The following TTC6 variants were observed in gnomAD, a reference collection of about 807,000 sequenced individuals.
TTC6 encodes the protein tetratricopeptide repeat domain 6.
Under a neutral mutation model 210.4 loss-of-function variants are expected in TTC6, and 172 were observed. That is an observed-to-expected ratio of 0.82 (90% CI 0.72 to 0.93). TTC6 has a LOEUF of 0.93. Ranked by LOEUF, TTC6 falls within the 40% of genes least tolerant of loss-of-function variation. The pLI is 0.00. For missense variants in TTC6, 2,414 were observed against 2,318.1 expected (o/e 1.04, Z -0.85); for synonymous variants, 804 against 819.6 (o/e 0.98, Z 0.32).
At chr14:37,655,491 A>G (rs1026975055) in intron 1 of TTC6, among the ~76,000 whole-genome samples, 1 of 152,176 alleles carries the variant, frequency 6.6e-6, no homozygotes, top group East Asian at 1.9e-4. Context: ...AGCAGTCTTA[A>G]CCTTTTTCCC....
chr14:37,790,953 T>A, intron 16 of TTC6, 116 bp downstream of exon 18: 1 of 807,422 alleles, frequency 1.2e-6, no homozygotes, highest in Non-Finnish European at 1.9e-6. Flanking sequence ...ATGAGACACT[T>A]ATAAAGTCAT....
chr14:37,675,004 A>G (rs1348307146), intron 1 of TTC6, among the ~76,000 whole-genome samples: 1 of 152,080 alleles, frequency 6.6e-6, no homozygotes, highest in African/African-American at 2.4e-5. Flanking sequence ...GAGCAGGGAA[A>G]TGACATTTGT....
chr14:37,773,770 A>G (rs901871407), intron 14 of TTC6, among the ~76,000 whole-genome samples: 2 of 152,142 alleles, frequency 1.3e-5, no homozygotes, highest in Admixed American at 6.5e-5. Flanking sequence ...GAATTTTAAA[A>G]TGGCTTTTTC....
chr14:37,662,608 C>T (rs1419557860), intron 1 of TTC6, among the ~76,000 whole-genome samples: 4 of 152,042 alleles, frequency 2.6e-5, no homozygotes, highest in Non-Finnish European at 1.5e-5. Context: ...AGGGGTCCAG[C>T]TTCAGTCTTC....
At chr14:37,635,950 G>A (rs1421665802) in intron 1 of TTC6, among the ~76,000 whole-genome samples, 2 of 128,670 alleles carry the variant, frequency 1.6e-5, no homozygotes, top group Non-Finnish European at 3.1e-5. Flanking sequence ...TTGCACTCCA[G>A]CCCCTGGCAA....
rs771477867 is a variant in TTC6, at chr14:37,652,485, GTTA to G, written c.940-27660_940-27658del. Reference sequence around the variant, plus strand: ...AATAGATTTAATTTTTGTTGTTGCTGTTATTATTTTAGTGCTTTATTTTTGTTA... The same window carrying G: ...AATAGATTTAATTTTTGTTGTTGCTGTTATTTTAGTGCTTTATTTTTGTTA... On this transcript the variant is annotated intron_variant, in intron 1 of 30. Transcript: ENST00000553443. 4.6e-5 allele frequency among the ~76,000 whole-genome samples: 7 copies of G among 152,236 alleles called. No homozygotes were observed. The East Asian group carries it at 5.8e-4, about 13-fold the overall frequency.
At chr14:37,752,382 AGAAAT>A (rs1050333023) in intron 13 of TTC6, among the ~76,000 whole-genome samples, 1 of 152,094 alleles carries the variant, frequency 6.6e-6, no homozygotes, top group Non-Finnish European at 1.5e-5. Flanking sequence ...CTTCTGGTCT[AGAAAT>A]GACCAAAAAG....
At chr14:37,823,477 A>G in intron 26 of TTC6, among the ~76,000 whole-genome samples, 1 of 152,222 alleles carries the variant, frequency 6.6e-6, no homozygotes, top group Non-Finnish European at 1.5e-5. Flanking sequence ...ATAACTTGAG[A>G]AAGATCCAGA....
intron 7 of TTC6, among the ~76,000 whole-genome samples, chr14:37,727,912 G>A (rs546331810): frequency 2.6e-5 from 4 of 152,184 alleles, no homozygotes; most frequent in Admixed American, 1.3e-4. Flanking sequence ...TTTGGGTTGT[G>A]CTAGATATCC....
intron 14 of TTC6, among the ~76,000 whole-genome samples, chr14:37,778,113 C>T (rs913904865): frequency 1.3e-5 from 2 of 151,574 alleles, no homozygotes; most frequent in Non-Finnish European, 1.5e-5. Context: ...GCAGCAGTGG[C>T]GGTACAGTGG....
intron 27 of TTC6, among the ~76,000 whole-genome samples, chr14:37,825,764 TA>T (rs1201062803): frequency 6.6e-6 from 1 of 152,270 alleles, no homozygotes; most frequent in East Asian, 1.9e-4. Flanking sequence ...TATTATTCAA[TA>T]CATATTTATG....
chr14:37,714,923 A>T (rs2095850091), intron 6 of TTC6, 127 bp downstream of exon 8: 2 of 836,152 alleles, frequency 2.4e-6, no homozygotes, highest in Non-Finnish European at 3.5e-6. Flanking sequence ...CACGCCTGTA[A>T]TCCCAGAACT....
intron 16 of TTC6, 79 bp from the exon 19 acceptor site, chr14:37,792,185 T>C: frequency 8.8e-7 from 1 of 1,136,604 alleles, no homozygotes; most frequent in Non-Finnish European, 1.2e-6. Flanking sequence ...ATCTGTTTCA[T>C]TCAGTTTATT....
intron 29 of TTC6, among the ~76,000 whole-genome samples, chr14:37,836,669 G>C (rs1313109765): frequency 6.6e-6 from 1 of 152,108 alleles, no homozygotes; most frequent in Admixed American, 6.6e-5. Context: ...TCCCTCCAGA[G>C]ACTAGCAGGC....
intron 1 of TTC6, among the ~76,000 whole-genome samples, chr14:37,675,252 C>G (rs569377541): frequency 1.3e-5 from 2 of 152,176 alleles, no homozygotes; most frequent in East Asian, 3.9e-4. Flanking sequence ...CAGGCCCTGG[C>G]AACAACAAGT....
intron 14 of TTC6, among the ~76,000 whole-genome samples, chr14:37,771,270 C>A (rs1417559076): frequency 2.0e-5 from 3 of 152,148 alleles, no homozygotes; most frequent in East Asian, 3.9e-4. Flanking sequence ...GTGAATCTGA[C>A]AATTATGTGT....
At chr14:37,690,663 A>G (rs376928530) in intron 3 of TTC6, among the ~76,000 whole-genome samples, 2 of 152,170 alleles carry the variant, frequency 1.3e-5, no homozygotes, top group African/African-American at 4.8e-5. Flanking sequence ...AAACAGGTCA[A>G]TTCAGCAAGA....
Position 37,732,018 on chromosome 14 carries a change from G to C in TTC6, c.1819-3903G>C, listed in dbSNP as rs758340736. On this transcript the variant is annotated intron_variant, in intron 7 of 30. Coordinates refer to ENST00000553443, the Ensembl canonical transcript of TTC6. ...ATAATTGATCCTTGAACAATGTGAG[G>C]GTTGGGGGTGCCAATCCCTGCACAG... Among the ~76,000 whole-genome samples the C allele has an allele frequency of 2.6e-5, 4 of 152,000 alleles. No individual in the cohort carries two copies. The South Asian group carries it at 6.2e-4, about 24-fold the overall frequency.
Position 37,606,655 on chromosome 14 carries a change from T to C in TTC6, c.-234-8T>C. 3 of 924,216 alleles carry C rather than the reference T, an allele frequency of 3.2e-6. No individual in the cohort carries two copies. Among genetic ancestry groups the C allele is most frequent in the Non-Finnish European group, 3.9e-6 (3 of 774,258 alleles). 57.3% of individuals were successfully genotyped at this position (924,216 alleles called of 1,614,324 possible). A position where few individuals can be genotyped will look rare whatever the true frequency, so the allele number is the denominator to read the frequency against. ...CCTTTAATCCCACCTTCAAATTTTT[T>C]TCCCTAGGAAAACCCTTTCCTGTAT... On this transcript the variant is annotated splice_polypyrimidine_tract_variant and splice_region_variant and intron_variant, in intron 1 of 2. Coordinates refer to the TTC6 transcript ENST00000556845.
Sources: gnomAD v4.1 joint callset for allele counts (sites outside exome capture counted in the v4.1 genomes callset) on GRCh38, gnomAD v4.1.1 for gene constraint, MANE v1.5 for transcripts, NCBI Gene and HGNC (gene_info 2026-07-23, HGNC 2026-07-21) for gene names.